RBFOX1: variants seen among roughly 807,000 people sequenced by gnomAD.
The protein encoded by RBFOX1 is RNA binding protein fox-1 homolog 1.
In RBFOX1, 8 loss-of-function variants were observed where a neutral mutation model predicts 57.7. That is an observed-to-expected ratio of 0.14 (90% CI 0.08 to 0.25). The LOEUF is 0.25. Ranked by LOEUF, RBFOX1 falls within the 10% of genes least tolerant of loss-of-function variation. The probability of loss-of-function intolerance (pLI) is 1.00; values close to 1 mark genes in which losing one functional copy is unlikely to be tolerated. For missense variants in RBFOX1, 611 were observed against 548.5 expected (o/e 1.11, Z -1.14); for synonymous variants, 326 against 222.4 (o/e 1.47, Z -4.15).
intron 3 of RBFOX1, among the ~76,000 whole-genome samples, chr16:5,767,946 C>CAA (rs5815268): frequency 0.13 from 19,922 of 151,312 alleles, 1,477 homozygotes; most frequent in South Asian, 0.19. Flanking sequence ...TCTCTGCAGA[C>CAA]AAAAAAAATG....
chr16:6,029,064 A>G (rs2095248651), intron 1 of RBFOX1, among the ~76,000 whole-genome samples: 1 of 152,186 alleles, frequency 6.6e-6, no homozygotes. Flanking sequence ...CAGCAATCAC[A>G]CAGACTTCCG....
At chr16:6,541,422 C>G (rs2096816562) in intron 2 of RBFOX1, among the ~76,000 whole-genome samples, 1 of 152,200 alleles carries the variant, frequency 6.6e-6, no homozygotes, top group East Asian at 1.9e-4. Context: ...GTTCCCTGCT[C>G]ACATGGAGTT....
chr16:7,406,657 G>C lies in RBFOX1; in HGVS notation c.28-111490G>C, dbSNP rs533488536. On this transcript the variant is annotated intron_variant, in intron 4 of 15. Transcript: ENST00000550418. ...AAAGTGACCACGCACCCACATGGCA[G>C]ATTGTTACCTGACACCTTCTGAGTC... Among the ~76,000 whole-genome samples, 4 of 152,306 alleles carry C rather than the reference G, an allele frequency of 2.6e-5. No individual in the cohort carries two copies. The South Asian group carries it at 6.2e-4, about 24-fold the overall frequency.
intron 3 of RBFOX1, among the ~76,000 whole-genome samples, chr16:5,629,403 G>T (rs548016650): frequency 8.5e-5 from 13 of 152,318 alleles, no homozygotes; most frequent in African/African-American, 3.1e-4. Flanking sequence ...ACTGCCAGTG[G>T]TATAAATCCT....
intron 2 of RBFOX1, among the ~76,000 whole-genome samples, chr16:5,532,156 G>C (rs916075647): frequency 6.6e-6 from 1 of 152,116 alleles, no homozygotes; most frequent in Non-Finnish European, 1.5e-5. Flanking sequence ...TGGCAGCGGG[G>C]GTGGTTTAGA....
At chr16:7,376,124 A>G (rs957436656) in intron 4 of RBFOX1, among the ~76,000 whole-genome samples, 1 of 152,222 alleles carries the variant, frequency 6.6e-6, no homozygotes, top group Non-Finnish European at 1.5e-5. Context: ...ACAAGAAATA[A>G]TACAAATATT....
chr16:6,941,032 G>T (rs1406578049), intron 3 of RBFOX1, among the ~76,000 whole-genome samples: 2 of 151,990 alleles, frequency 1.3e-5, no homozygotes, highest in African/African-American at 2.4e-5. Flanking sequence ...TTCTATATGT[G>T]TATGGACGCC....
intron 3 of RBFOX1, among the ~76,000 whole-genome samples, chr16:5,765,239 C>G (rs146105404): frequency 0.013 from 2,002 of 152,210 alleles, 34 homozygotes; most frequent in Non-Finnish European, 0.018. Context: ...GATCCCAAAC[C>G]CAACAAGAAC....
chr16:7,451,837 C>G lies in RBFOX1; in HGVS notation c.28-66310C>G, dbSNP rs113965061. ...CCTTCTCACCTCCCAGTTCCCTAATCTAATTTATCTCAGTGGGGTTTGTGG... is the reference window on the plus strand; with the variant it reads ...CCTTCTCACCTCCCAGTTCCCTAATGTAATTTATCTCAGTGGGGTTTGTGG... On this transcript the variant is annotated intron_variant, in intron 4 of 15. Coordinates refer to ENST00000550418, the MANE Select transcript of RBFOX1 (RefSeq NM_018723.4). 3.3e-3 allele frequency among the ~76,000 whole-genome samples: 502 copies of G among 152,196 alleles called. 1 individual carries two copies. Among genetic ancestry groups the G allele is most frequent in the African/African-American group, 0.012 (489 of 41,494 alleles).
At chr16:7,526,922 A>G (rs2078836685) in intron 5 of RBFOX1, among the ~76,000 whole-genome samples, 1 of 152,216 alleles carries the variant, frequency 6.6e-6, no homozygotes, top group Non-Finnish European at 1.5e-5. Context: ...CCCAGAAGGC[A>G]TCCCCCAGGC....
chr16:6,887,999 T>C (rs777385553), intron 3 of RBFOX1, among the ~76,000 whole-genome samples: 13 of 152,042 alleles, frequency 8.6e-5, no homozygotes, highest in African/African-American at 3.1e-4. Flanking sequence ...TTATTCTGTT[T>C]GGGGTTTTTG....
At chr16:6,793,383 T>C (rs1399357515) in intron 3 of RBFOX1, among the ~76,000 whole-genome samples, 3 of 152,142 alleles carry the variant, frequency 2.0e-5, no homozygotes, top group African/African-American at 7.2e-5. Context: ...TTGGACTCTA[T>C]AGGTTCACTG....
chr16:7,585,323 G>A (rs528823312), intron 6 of RBFOX1, among the ~76,000 whole-genome samples: 4 of 152,158 alleles, frequency 2.6e-5, no homozygotes, highest in Non-Finnish European at 4.4e-5. Context: ...CTAAAACTAG[G>A]GCACTGAAAA....
chr16:7,006,569 C>G (rs1392911928), intron 3 of RBFOX1, among the ~76,000 whole-genome samples: 1 of 152,098 alleles, frequency 6.6e-6, no homozygotes. Flanking sequence ...CCCACCTCAC[C>G]TTCCTGAGTA....
At chr16:5,344,611 C>G (rs973331457) in intron 1 of RBFOX1, among the ~76,000 whole-genome samples, 3 of 152,258 alleles carry the variant, frequency 2.0e-5, no homozygotes, top group Non-Finnish European at 2.9e-5. Context: ...TCCCCCTCCC[C>G]CGGCTGTGAG....
chr16:6,494,223 C>T (rs571822175), intron 2 of RBFOX1, among the ~76,000 whole-genome samples: 26 of 152,236 alleles, frequency 1.7e-4, no homozygotes, highest in African/African-American at 6.0e-4. Context: ...ATTTGAATTT[C>T]CCTAAGGTTA....
intron 2 of RBFOX1, among the ~76,000 whole-genome samples, chr16:5,493,768 C>A (rs1343306455): frequency 1.3e-5 from 2 of 152,170 alleles, no homozygotes. Context: ...TCTTCACTTC[C>A]CATCAGAGAC....
intron 4 of RBFOX1, among the ~76,000 whole-genome samples, chr16:7,287,048 A>G (rs1568040105): frequency 6.6e-6 from 1 of 152,176 alleles, no homozygotes; most frequent in African/African-American, 2.4e-5. Context: ...GAGTGTGAGG[A>G]TGTGTGGCAC....
intron 2 of RBFOX1, among the ~76,000 whole-genome samples, chr16:5,536,754 G>C (rs952343105): frequency 2.0e-4 from 30 of 151,970 alleles, no homozygotes; most frequent in African/African-American, 7.0e-4. Context: ...GGTTGAATGA[G>C]GGATGTAACA....
Sources: gnomAD v4.1 joint callset for allele counts (sites outside exome capture counted in the v4.1 genomes callset) on GRCh38, gnomAD v4.1.1 for gene constraint, MANE v1.5 for transcripts, NCBI Gene and HGNC (gene_info 2026-07-23, HGNC 2026-07-21) for gene names.